The following CPVL variants were observed in gnomAD, a reference collection of about 807,000 sequenced individuals.
CPVL encodes carboxypeptidase vitellogenic like, also known as probable serine carboxypeptidase CPVL.
Under a neutral mutation model 63.7 loss-of-function variants are expected in CPVL, and 51 were observed. The ratio of observed to expected loss-of-function variants is 0.80; its 90% CI spans 0.64 to 1.01. CPVL has a LOEUF of 1.01. CPVL is among the 50% of genes least tolerant of loss of function. The pLI is 0.00. For missense variants in CPVL, 530 were observed against 573.1 expected (o/e 0.92, Z 0.77); for synonymous variants, 195 against 206.0 (o/e 0.95, Z 0.46).
intron 5 of CPVL, among the ~76,000 whole-genome samples, chr7:29,169,752 G>C (rs1189863193): frequency 6.6e-6 from 1 of 151,934 alleles, no homozygotes; most frequent in Non-Finnish European, 1.5e-5. Context: ...ACCACTGTTT[G>C]CTCAGTCAGA....
At position 29,140,658 on chromosome 7, in the gene CPVL, A is replaced by G. The variant is rs551960882; in HGVS notation, c.-11+5771T>C. On this transcript the variant is annotated intron_variant, in intron 1 of 12. Coordinates refer to ENST00000265394, the MANE Select transcript of CPVL (RefSeq NM_031311.5). ...TTCTAACTTTGGGAAAAAAGCATTG[A>G]GGAAGCAGCATAATTCTCAGGGCTT... Among the ~76,000 whole-genome samples the G allele has an allele frequency of 4.1e-4, 63 of 152,312 alleles. 1 individual carries two copies. Among genetic ancestry groups the G allele is most frequent in the South Asian group, 3.9e-3 (19 of 4,822 alleles).
At chr7:29,031,211 T>A (rs763232777) in intron 11 of CPVL, among the ~76,000 whole-genome samples, 5 of 152,214 alleles carry the variant, frequency 3.3e-5, no homozygotes, top group Non-Finnish European at 7.3e-5. Flanking sequence ...TCTCCTCTCC[T>A]ACATTGATTT....
intron 2 of CPVL, among the ~76,000 whole-genome samples, chr7:29,116,585 G>A (rs1024918497): frequency 1.1e-4 from 17 of 152,174 alleles, no homozygotes; most frequent in Non-Finnish European, 2.2e-4. Context: ...CCAACAAAGG[G>A]CTTGAACCAG....
intron 5 of CPVL, among the ~76,000 whole-genome samples, chr7:29,171,434 T>C (rs551156144): frequency 3.9e-5 from 6 of 152,286 alleles, no homozygotes; most frequent in African/African-American, 1.4e-4. Context: ...CTGAACTTGT[T>C]AGAAGGAGCG....
At chr7:29,138,762 C>A (rs1237505308) in intron 1 of CPVL, among the ~76,000 whole-genome samples, 1 of 152,188 alleles carries the variant, frequency 6.6e-6, no homozygotes, top group Non-Finnish European at 1.5e-5. Flanking sequence ...CCAATGATAG[C>A]GCTTTGTCCC....
intron 11 of CPVL, among the ~76,000 whole-genome samples, chr7:29,031,741 T>C (rs1241689566): frequency 6.6e-6 from 1 of 152,140 alleles, no homozygotes; most frequent in African/African-American, 2.4e-5. Context: ...AGTCCTATAA[T>C]TGAGTAGGTA....
intron 8 of CPVL, 106 bp from the exon 9 acceptor site, chr7:29,072,010 C>A: frequency 7.2e-7 from 1 of 1,391,734 alleles, no homozygotes; most frequent in Admixed American, 1.9e-5. Flanking sequence ...TAATATTGTG[C>A]TGGTTAGCCA....
intron 12 of CPVL, among the ~76,000 whole-genome samples, chr7:29,024,485 C>T (rs937026989): frequency 2.0e-5 from 3 of 152,116 alleles, no homozygotes; most frequent in Non-Finnish European, 4.4e-5. Context: ...GCATCTAGAA[C>T]AGGAAGCTCA....
chr7:29,017,689 T>C (rs1786552548), intron 12 of CPVL, among the ~76,000 whole-genome samples: 1 of 152,060 alleles, frequency 6.6e-6, no homozygotes, highest in Admixed American at 6.6e-5. Flanking sequence ...CTATAGGAGG[T>C]GGTCACCTTG....
At chr7:29,114,876 T>C (rs924789688) in intron 2 of CPVL, among the ~76,000 whole-genome samples, 1 of 152,134 alleles carries the variant, frequency 6.6e-6, no homozygotes, top group African/African-American at 2.4e-5. Context: ...AGAACTACTG[T>C]TGCTGTCTGT....
In CPVL at chr7:29,038,757, T is replaced by A. The variant is rs536661462; in HGVS notation, c.1138-7998A>T. 3.9e-5 allele frequency among the ~76,000 whole-genome samples: 6 copies of A among 152,314 alleles called. No individual in the cohort carries two copies. In the South Asian group the frequency reaches 1.2e-3, roughly 32 times the overall value. On this transcript the variant is annotated intron_variant, in intron 11 of 12. Coordinates refer to ENST00000265394, the MANE Select transcript of CPVL (RefSeq NM_031311.5). ...CTCTGTCATGGGTAAAAAAGATCAGTAGGTCTCAATCCAACACTATCCATT... is the reference window on the plus strand; with the variant it reads ...CTCTGTCATGGGTAAAAAAGATCAGAAGGTCTCAATCCAACACTATCCATT...
chr7:29,194,879 A>G, intron 1 of CPVL: 1 of 1,360,142 alleles, frequency 7.4e-7, no homozygotes, highest in Non-Finnish European at 9.5e-7. Flanking sequence ...CGGCCGGGCG[A>G]GGGCAGCGGC....
At chr7:29,091,037 G>C (rs1297519898) in intron 6 of CPVL, among the ~76,000 whole-genome samples, 3 of 152,210 alleles carry the variant, frequency 2.0e-5, no homozygotes, top group Non-Finnish European at 4.4e-5. Context: ...AATGAATAGT[G>C]TAAACTATAA....
At chr7:29,171,905 C>A (rs1209952297) in intron 5 of CPVL, among the ~76,000 whole-genome samples, 2 of 152,146 alleles carry the variant, frequency 1.3e-5, no homozygotes, top group African/African-American at 2.4e-5. Flanking sequence ...TGGAGGGAAG[C>A]CCCCAATTCC....
chr7:29,068,947 T>C (rs2128571642), intron 9 of CPVL, among the ~76,000 whole-genome samples: 1 of 150,018 alleles, frequency 6.7e-6, no homozygotes, highest in Non-Finnish European at 1.5e-5. Context: ...CCTCCCAAAG[T>C]GCTGGGATTA....
At position 29,179,497 on chromosome 7, in the gene CPVL, C is replaced by T. The variant is rs142668155; in HGVS notation, c.-11+1793G>A. Among the ~76,000 whole-genome samples, 394 of 152,354 alleles carry T rather than the reference C, an allele frequency of 2.6e-3. 3 individuals are homozygous for T. Among genetic ancestry groups the T allele is most frequent in the African/African-American group, 9.1e-3 (379 of 41,572 alleles). ...AGAAAATCCAGGAACCCAGACTCAA[C>T]ACAAATTCTTCAGGAGTGAGAAGGA... On this transcript the variant is annotated intron_variant, in intron 5 of 16. Coordinates refer to the CPVL transcript ENST00000409850.
chr7:29,180,909 G>A (rs1034768221), intron 5 of CPVL, among the ~76,000 whole-genome samples: 9 of 152,182 alleles, frequency 5.9e-5, no homozygotes, highest in South Asian at 4.1e-4. Context: ...AAAAGAGTAC[G>A]TAAGATCATA....
chr7:29,190,540 C>G (rs1020095438), intron 1 of CPVL, among the ~76,000 whole-genome samples: 1 of 152,126 alleles, frequency 6.6e-6, no homozygotes, highest in Non-Finnish European at 1.5e-5. Context: ...ATTACACCAC[C>G]ATAAGAGCTA....
intron 1 of CPVL, among the ~76,000 whole-genome samples, chr7:29,145,394 C>T (rs1475499362): frequency 6.6e-6 from 1 of 151,896 alleles, no homozygotes; most frequent in Non-Finnish European, 1.5e-5. Context: ...TGATGTCATC[C>T]AAGTAGTGGA....
Sources: allele counts gnomAD v4.1 joint callset (sites outside exome capture counted in the v4.1 genomes callset), GRCh38; gene constraint gnomAD v4.1.1; transcripts MANE v1.5; gene names NCBI Gene and HGNC (gene_info 2026-07-23, HGNC 2026-07-21).